The following RAPGEF4 variants were observed in gnomAD, a reference collection of about 807,000 sequenced individuals.
The protein encoded by RAPGEF4 is Rap guanine nucleotide exchange factor 4, also known as RAP guanine-nucleotide-exchange factor (GEF) 4.
In RAPGEF4, 66 loss-of-function variants were observed where a neutral mutation model predicts 147.9. The observed-to-expected ratio is 0.45, with a 90% CI of 0.37 to 0.55. RAPGEF4 has a LOEUF of 0.55. Ranked by LOEUF, RAPGEF4 falls within the 20% of genes least tolerant of loss-of-function variation. The pLI, the probability that RAPGEF4 is intolerant of heterozygous loss-of-function variation, is 0.00. For missense variants in RAPGEF4, 1,071 were observed against 1,257.3 expected (o/e 0.85, Z 2.24); for synonymous variants, 419 against 442.7 (o/e 0.95, Z 0.67).
intron 4 of RAPGEF4, among the ~76,000 whole-genome samples, chr2:172,827,264 A>G (rs918183527): frequency 1.3e-5 from 2 of 152,102 alleles, no homozygotes; most frequent in African/African-American, 4.8e-5. Context: ...ACATTAATAT[A>G]TTTTAGCACA....
At position 173,042,103 on chromosome 2, in the gene RAPGEF4, C is replaced by G. The variant is rs1684837244; in HGVS notation, c.2853+5411C>G. ...CCTGCCTCTTCAATGTCTTCCCTAC[C>G]AGAATGTAAGTGCCCTGGCCCAGGT... On this transcript the variant is annotated intron_variant, in intron 29 of 30. Transcript: ENST00000397081. This position sits in a 1 kb window ranked among gnomAD's most constrained non-coding sequence, Gnocchi z 4.2. Among the ~76,000 whole-genome samples, 1 of 152,162 alleles carries G rather than the reference C, an allele frequency of 6.6e-6. No individual in the cohort carries two copies. Among genetic ancestry groups the G allele is most frequent in the Non-Finnish European group, 1.5e-5 (1 of 68,036 alleles).
chr2:172,793,462 C>T (rs1191410368), intron 1 of RAPGEF4, among the ~76,000 whole-genome samples: 2 of 152,138 alleles, frequency 1.3e-5, no homozygotes, highest in Non-Finnish European at 2.9e-5. Context: ...TGTTCTCAGT[C>T]CAGCCCCAAC....
At chr2:173,034,386 A>G (rs1683642034) in intron 27 of RAPGEF4, among the ~76,000 whole-genome samples, 1 of 152,176 alleles carries the variant, frequency 6.6e-6, no homozygotes. Flanking sequence ...TCGGCTGTGC[A>G]GGGCAGAGAG....
At chr2:172,877,528 T>G (rs1423921102) in intron 4 of RAPGEF4, among the ~76,000 whole-genome samples, 1 of 133,210 alleles carries the variant, frequency 7.5e-6, no homozygotes, top group African/African-American at 2.9e-5. Context: ...ACTTAAAGTA[T>G]AAAAAAAAAA....
At chr2:172,966,628 C>T (rs1689868913) in intron 9 of RAPGEF4, among the ~76,000 whole-genome samples, 1 of 152,038 alleles carries the variant, frequency 6.6e-6, no homozygotes, top group African/African-American at 2.4e-5. Flanking sequence ...TTTGTCCTAC[C>T]GAGATTTAAA....
chr2:173,003,251 G>A (rs574522765), intron 17 of RAPGEF4, among the ~76,000 whole-genome samples: 3 of 130,668 alleles, frequency 2.3e-5, no homozygotes, highest in South Asian at 2.3e-4. Flanking sequence ...GAGAAGGTCC[G>A]TTCCATGCCC....
intron 4 of RAPGEF4, among the ~76,000 whole-genome samples, chr2:172,817,913 A>G (rs914954438): frequency 6.8e-5 from 10 of 147,588 alleles, no homozygotes; most frequent in African/African-American, 2.2e-4. Flanking sequence ...TTATATATAT[A>G]TATAATATAC....
rs183959822 is a variant in RAPGEF4, at chr2:172,738,725, T to C, written c.65+2677T>C. On this transcript the variant is annotated intron_variant, in intron 1 of 30. Transcript: ENST00000397081. Reference sequence around the variant, plus strand: ...ACCCATGTGGGTTCACTTGGGAATATGATGCTGGGACCTTTCAACTGGGAA... The same window carrying C: ...ACCCATGTGGGTTCACTTGGGAATACGATGCTGGGACCTTTCAACTGGGAA... Among the ~76,000 whole-genome samples, 3 of 152,292 alleles carry C rather than the reference T, an allele frequency of 2.0e-5. No individual in the cohort carries two copies. In the East Asian group the frequency reaches 5.8e-4, roughly 29 times the overall value.
chr2:172,914,457 C>T (rs1267156828), intron 4 of RAPGEF4, among the ~76,000 whole-genome samples: 1 of 148,510 alleles, frequency 6.7e-6, no homozygotes, highest in African/African-American at 2.5e-5. Context: ...CCTCACCCTC[C>T]CAAGTAACTG....
At chr2:172,997,481 C>T (rs1693484814) in intron 16 of RAPGEF4, among the ~76,000 whole-genome samples, 1 of 152,172 alleles carries the variant, frequency 6.6e-6, no homozygotes, top group African/African-American at 2.4e-5. Flanking sequence ...CAATTCAACA[C>T]ATAACATCTG....
chr2:172,773,760 AAAAAC>A (rs147347935), intron 1 of RAPGEF4, among the ~76,000 whole-genome samples: 14 of 152,162 alleles, frequency 9.2e-5, no homozygotes, highest in South Asian at 8.3e-4. Context: ...TCTAAAGCCA[AAAAAC>A]AAAACAAAAC....
chr2:172,826,845 G>A (rs1279511331), intron 4 of RAPGEF4, among the ~76,000 whole-genome samples: 1 of 151,964 alleles, frequency 6.6e-6, no homozygotes, highest in African/African-American at 2.4e-5. Flanking sequence ...GGTAGCATGT[G>A]CCTGTAGCCA....
At chr2:172,919,074 C>T (rs956706709) in intron 5 of RAPGEF4, among the ~76,000 whole-genome samples, 1 of 152,166 alleles carries the variant, frequency 6.6e-6, no homozygotes, top group Non-Finnish European at 1.5e-5. Context: ...TTCCTTTCCT[C>T]TCTTGTTCTT....
At chr2:172,938,235 A>G (rs548514625) in intron 6 of RAPGEF4, among the ~76,000 whole-genome samples, 215 of 151,970 alleles carry the variant, frequency 1.4e-3, no homozygotes, top group African/African-American at 4.8e-3. Context: ...ACACACACAC[A>G]CACACACACA....
intron 24 of RAPGEF4, 125 bp downstream of exon 24, chr2:173,026,822 C>T: frequency 3.0e-6 from 4 of 1,311,868 alleles, no homozygotes; most frequent in Non-Finnish European, 4.2e-6. Context: ...TTTTTGCATA[C>T]TGAGCTTATA....
chr2:172,940,751 A>G (rs998100027), intron 6 of RAPGEF4, among the ~76,000 whole-genome samples: 2 of 152,190 alleles, frequency 1.3e-5, no homozygotes, highest in Admixed American at 1.3e-4. Flanking sequence ...GTTTGTCTAT[A>G]TATCTACAGA....
At chr2:172,999,001 T>C (rs1033922039) in intron 16 of RAPGEF4, among the ~76,000 whole-genome samples, 1 of 152,208 alleles carries the variant, frequency 6.6e-6, no homozygotes, top group African/African-American at 2.4e-5. Flanking sequence ...TGCTGCTGCT[T>C]CTGCTTCTTT....
chr2:172,863,857 A>G (rs563621954), intron 4 of RAPGEF4, among the ~76,000 whole-genome samples: 1 of 152,356 alleles, frequency 6.6e-6, no homozygotes, highest in Admixed American at 6.5e-5. Context: ...TACAATTGCA[A>G]TAAAAATTAA....
intron 4 of RAPGEF4, among the ~76,000 whole-genome samples, chr2:172,869,577 G>A (rs1011637718): frequency 3.9e-5 from 6 of 152,150 alleles, no homozygotes; most frequent in African/African-American, 1.4e-4. Flanking sequence ...TGGGATGGGG[G>A]TGTTTGTCAG....
Sources: allele counts gnomAD v4.1 joint callset (sites outside exome capture counted in the v4.1 genomes callset), GRCh38; gene constraint gnomAD v4.1.1; non-coding constraint Gnocchi (gnomAD v3.1); transcripts MANE v1.5; gene names NCBI Gene and HGNC (gene_info 2026-07-23, HGNC 2026-07-21).